Variants in ARHGAP31 observed in about 807,000 individuals in gnomAD.
ARHGAP31 encodes rho GTPase-activating protein 31.
Under a neutral mutation model 113.9 loss-of-function variants are expected in ARHGAP31, and 34 were observed. The observed-to-expected ratio is 0.30, with a 90% confidence interval of 0.23 to 0.40. ARHGAP31 has a LOEUF of 0.40. ARHGAP31 is among the 10% of genes least tolerant of loss of function. ARHGAP31 has a pLI of 1.00. For synonymous variants in ARHGAP31, 650 were observed against 684.8 expected, an observed-to-expected ratio of 0.95 and a Z score of 0.79; for missense variants, 1,548 against 1,767.1, an observed-to-expected ratio of 0.88 and a Z score of 2.22.
intron 1 of ARHGAP31, among the ~76,000 whole-genome samples, chr3:119,358,041 A>T (rs985065574): frequency 6.6e-6 from 1 of 152,220 alleles, no homozygotes; most frequent in African/African-American, 2.4e-5. Flanking sequence ...GAAATGTAAA[A>T]CTTCTGTGCT....
chr3:119,302,603 T>G (rs1182097747), intron 1 of ARHGAP31, among the ~76,000 whole-genome samples: 2 of 152,222 alleles, frequency 1.3e-5, no homozygotes, highest in African/African-American at 4.8e-5. Context: ...AAGTAATATT[T>G]CAGTATCTTT....
chr3:119,383,341 G>A (rs2080419761), intron 6 of ARHGAP31, 115 bp downstream of exon 6: 3 of 1,345,024 alleles, frequency 2.2e-6, no homozygotes, highest in East Asian at 4.6e-5. Context: ...TGTTGGCTGT[G>A]TGTATGCTGA....
chr3:119,408,694 G>A (rs972142485), intron 10 of ARHGAP31, among the ~76,000 whole-genome samples: 5 of 152,196 alleles, frequency 3.3e-5, no homozygotes, highest in South Asian at 4.1e-4. Context: ...GGCCTGCTAT[G>A]TGCCGAGCAC....
chr3:119,387,069 G>A (rs533946555), intron 6 of ARHGAP31, among the ~76,000 whole-genome samples: 143 of 152,044 alleles, frequency 9.4e-4, no homozygotes, highest in Non-Finnish European at 1.9e-3. Flanking sequence ...CACAGGAGGT[G>A]GAGGAGCAGG....
At chr3:119,411,336 A>T (rs1466920531) in intron 11 of ARHGAP31, among the ~76,000 whole-genome samples, 1 of 152,198 alleles carries the variant, frequency 6.6e-6, no homozygotes, top group Non-Finnish European at 1.5e-5. Context: ...AGGAGAGAAA[A>T]GCTGGAGGTG....
intron 2 of ARHGAP31, among the ~76,000 whole-genome samples, chr3:119,366,668 G>C (rs1456835279): frequency 6.6e-6 from 1 of 152,028 alleles, no homozygotes; most frequent in Non-Finnish European, 1.5e-5. Flanking sequence ...TTTCAGCACT[G>C]ACCTTATCCT....
intron 8 of ARHGAP31, among the ~76,000 whole-genome samples, chr3:119,397,018 G>A (rs2080556243): frequency 6.6e-6 from 1 of 152,202 alleles, no homozygotes; most frequent in Admixed American, 6.5e-5. Flanking sequence ...GCAGGTCCAG[G>A]CTCACCTCTG....
At chr3:119,330,785 ATAAC>A in intron 1 of ARHGAP31, among the ~76,000 whole-genome samples, 1 of 152,334 alleles carries the variant, frequency 6.6e-6, no homozygotes, top group Non-Finnish European at 1.5e-5. Context: ...AGGAGAAACT[ATAAC>A]TAAATGGGCT....
intron 9 of ARHGAP31, 128 bp from the exon 10 acceptor site, chr3:119,401,694 G>T (rs1016706942): frequency 2.4e-6 from 2 of 824,648 alleles, no homozygotes; most frequent in East Asian, 5.3e-5. Flanking sequence ...CTTTATCTGG[G>T]CGGTTATGCC....
intron 3 of ARHGAP31, among the ~76,000 whole-genome samples, chr3:119,376,202 C>T (rs1236784869): frequency 6.6e-6 from 1 of 152,130 alleles, no homozygotes; most frequent in African/African-American, 2.4e-5. Context: ...TGAAATGTCC[C>T]TTAGGGCCAG....
chr3:119,391,064 C>A (rs2080499896), intron 7 of ARHGAP31, 81 bp downstream of exon 7: 1 of 1,482,432 alleles, frequency 6.7e-7, no homozygotes. Context: ...GTCTCAGGAC[C>A]AAGATGGCAG....
intron 3 of ARHGAP31, among the ~76,000 whole-genome samples, chr3:119,374,098 A>G (rs575561859): frequency 6.6e-6 from 1 of 152,304 alleles, no homozygotes; most frequent in African/African-American, 2.4e-5. Flanking sequence ...ACCATATGAT[A>G]TGGTTTGGAG....
chr3:119,312,026 A>G (rs1459685022), intron 1 of ARHGAP31, among the ~76,000 whole-genome samples: 2 of 152,262 alleles, frequency 1.3e-5, no homozygotes, highest in Non-Finnish European at 2.9e-5. Flanking sequence ...TATCTGCCTG[A>G]ACTCTCTGTT....
At chr3:119,324,803 G>A in intron 1 of ARHGAP31, 1 of 412,172 alleles carries the variant, frequency 2.4e-6, no homozygotes, top group South Asian at 1.8e-5. Context: ...CTGGTATTTA[G>A]TATTGAGCAT....
chr3:119,408,269 T>C lies in ARHGAP31; in HGVS notation c.1646-1227T>C, dbSNP rs185546026. On this transcript the variant is annotated intron_variant, in intron 10 of 11. Coordinates refer to ENST00000264245, the MANE Select transcript of ARHGAP31 (RefSeq NM_020754.4). Reference sequence around the variant, plus strand: ...TAACTTTTGAACTCTGTAAATATTTTACATATTCAAAGATAAAACTGAATT... The same window carrying C: ...TAACTTTTGAACTCTGTAAATATTTCACATATTCAAAGATAAAACTGAATT... Among the ~76,000 whole-genome samples the C allele has an allele frequency of 5.7e-4, 87 of 152,322 alleles. 1 individual carries two copies. Among genetic ancestry groups the C allele is most frequent in the Admixed American group, 2.5e-3 (39 of 15,302 alleles).
In ARHGAP31 at chr3:119,382,345, A is replaced by G. The variant is rs761600025; in HGVS notation, c.485A>G (p.Lys162Arg). 5.6e-6 allele frequency: 9 copies of G among 1,614,054 alleles called. No individual in the cohort carries two copies. Among genetic ancestry groups the G allele is most frequent in the Non-Finnish European group, 4.2e-6 (5 of 1,180,028 alleles). The change falls in exon 5 of 12, where the codon AAG (lysine) becomes AGG (arginine). Residue 162 changes from lysine (K) to arginine (R), a missense_variant. Transcript: ENST00000264245. ...GCCCATATCGCCTCCTTCAGCAGCA[A>G]GACCAACATGCACGCCCGGAACCTG... is the stretch of plus-strand genomic sequence containing the variant. Reference protein sequence around the residue: ...HLAHIASFSSKTNMHARNLAL... With the variant: ...HLAHIASFSSRTNMHARNLAL...
Position 119,325,377 on chromosome 3 carries a change from C to A in ARHGAP31, c.100+30373C>A, listed in dbSNP as rs573614872. Among the ~76,000 whole-genome samples, 6 of 152,318 alleles carry A rather than the reference C, an allele frequency of 3.9e-5. No homozygotes were observed. The East Asian group carries it at 1.2e-3, about 29-fold the overall frequency. On this transcript the variant is annotated intron_variant, in intron 1 of 11. Transcript: ENST00000264245. Reference sequence around the variant, plus strand: ...ATCATCTCTGTTGATCTTCCCAAGACGCTGTGACTCTACAGGCTGATTTCA... The same window carrying A: ...ATCATCTCTGTTGATCTTCCCAAGAAGCTGTGACTCTACAGGCTGATTTCA...
Position 119,294,796 on chromosome 3 carries a change from C to A in ARHGAP31, c.-109C>A. On this transcript the variant is annotated 5_prime_UTR_variant, in exon 1 of 12. Transcript: ENST00000264245. ...CAAGTTCTTCCATCTTCCGATGCGG[C>A]CCCCCAGAGCCGCGGGGCAGCCGGT... The A allele has an allele frequency of 1.9e-6, 2 of 1,040,104 alleles. No homozygotes were observed. Among genetic ancestry groups the A allele is most frequent in the Non-Finnish European group, 3.0e-6 (2 of 669,260 alleles). 64.4% of individuals were successfully genotyped at this position (1,040,104 alleles called of 1,614,324 possible). A position where few individuals can be genotyped will look rare whatever the true frequency, so the allele number is the denominator to read the frequency against.
chr3:119,419,627 T>G lies in ARHGAP31; in HGVS notation c.*3363T>G, dbSNP rs774643536. The G allele has an allele frequency of 6.6e-6, 1 of 152,154 alleles. No homozygotes were observed. The highest frequency in any genetic ancestry group is 2.4e-5 in the African/African-American group (1 of 41,434). 9.4% of individuals were successfully genotyped at this position (152,154 alleles called of 1,614,324 possible). On this transcript the variant is annotated 3_prime_UTR_variant, in exon 12 of 12. Coordinates refer to ENST00000264245, the MANE Select transcript of ARHGAP31 (RefSeq NM_020754.4). ...CAACCAGGAGCAAGGTTGAGAACCA[T>G]TAAGTTGCCAAACAAAAGCAGAAGG...
Sources: gnomAD v4.1 joint callset for allele counts (sites outside exome capture counted in the v4.1 genomes callset) on GRCh38, gnomAD v4.1.1 for gene constraint, MANE v1.5 for transcripts, NCBI Gene and HGNC (gene_info 2026-07-23, HGNC 2026-07-21) for gene names.